DDX24: variants seen among roughly 807,000 people sequenced by gnomAD.
DDX24 encodes ATP-dependent RNA helicase DDX24.
In DDX24, 24 loss-of-function variants were observed where a neutral mutation model predicts 68.9. The observed-to-expected ratio is 0.35, with a 90% CI of 0.25 to 0.49. DDX24 has a LOEUF of 0.49. Among genes scored for constraint, DDX24 ranks in the 20% least tolerant of loss-of-function variants. The probability of loss-of-function intolerance (pLI) is 0.99; values close to 1 mark genes in which losing one functional copy is unlikely to be tolerated. For missense variants in DDX24, 989 were observed against 1,039.0 expected (o/e 0.95, Z 0.66); for synonymous variants, 395 against 385.2 (o/e 1.03, Z -0.30).
intron 2 of DDX24, among the ~76,000 whole-genome samples, chr14:94,075,393 T>A (rs1567062246): frequency 6.6e-6 from 1 of 152,162 alleles, no homozygotes; most frequent in Non-Finnish European, 1.5e-5. Context: ...CAAAGTCAAC[T>A]CAGTGGAGAA....
chr14:94,063,356 GA>G (rs1885635562), intron 2 of DDX24, among the ~76,000 whole-genome samples: 1 of 152,128 alleles, frequency 6.6e-6, no homozygotes, highest in Non-Finnish European at 1.5e-5. Flanking sequence ...AGACTTATCA[GA>G]AACAATGAAA....
At position 94,060,542 on chromosome 14, in the gene DDX24, T is replaced by C. The variant is rs1007823636; in HGVS notation, c.1469A>G (p.Glu490Gly). The change falls in exon 5 of 9, where the codon GAG becomes GGG. Residue 490 changes from glutamate to glycine, a missense_variant. This residue lies in a region of DDX24 where 691 missense variants were observed against 760.0 expected (regional missense o/e 0.91). Transcript: ENST00000621632. Reference sequence around the variant, plus strand: ...GTTGTATTGGGAGTCATTGAGCATCTCTAGCAGCTGTGAGAGCTCAGCAAA... The same window carrying C: ...GTTGTATTGGGAGTCATTGAGCATCCCTAGCAGCTGTGAGAGCTCAGCAAA... ...GHFAELSQLL[E>G]MLNDSQYNPK... 1.2e-6 allele frequency: 2 copies of C among 1,614,048 alleles called. No individual in the cohort carries two copies. Among genetic ancestry groups the C allele is most frequent in the African/African-American group, 2.7e-5 (2 of 74,900 alleles).
chr14:94,070,190 C>A (rs1885801088), intron 2 of DDX24, among the ~76,000 whole-genome samples: 1 of 151,782 alleles, frequency 6.6e-6, no homozygotes, highest in Admixed American at 6.6e-5. Context: ...TTAACGTACA[C>A]AAATCAGTAG....
In DDX24 at chr14:94,069,784, A is replaced by G. The variant is rs115382730; in HGVS notation, c.719-7163T>C. Reference sequence around the variant, plus strand: ...ATCACATGATCTCAATAGATGGAGAAAAAGCATTAGACAAAATCCAGCATC... The same window carrying G: ...ATCACATGATCTCAATAGATGGAGAGAAAGCATTAGACAAAATCCAGCATC... On this transcript the variant is annotated intron_variant, in intron 2 of 8. Coordinates refer to ENST00000621632, the MANE Select transcript of DDX24 (RefSeq NM_020414.4). Among the ~76,000 whole-genome samples the G allele has an allele frequency of 7.3e-3, 1,108 of 152,360 alleles. 10 individuals are homozygous for G. Among genetic ancestry groups the G allele is most frequent in the African/African-American group, 0.025 (1,055 of 41,584 alleles).
In DDX24 at chr14:94,062,307, T is replaced by C. The variant is rs766488879; in HGVS notation, c.1033A>G (p.Ile345Val). Residue 345 changes from isoleucine to valine, a missense_variant, in exon 3 of 9, where the codon ATC becomes GTC. Ile to Val is a conservative substitution (Grantham distance 29, BLOSUM62 3). Around this residue, in one of 3 missense-constraint regions of DDX24, gnomAD observed 691 missense variants for 760.0 expected, o/e 0.91. Coordinates refer to ENST00000621632, the MANE Select transcript of DDX24 (RefSeq NM_020414.4). ...TGTTTGGGAACAGGTTTCTCCCTGA[T>C]CAGGGAAGAAGGCCCTTCACCAGCA... is the stretch of plus-strand genomic sequence containing the variant. ...DDAGEGPSSL[I>V]REKPVPKQNE... The C allele has an allele frequency of 3.3e-5, 54 of 1,614,088 alleles. 1 individual carries two copies. The South Asian group carries it at 5.1e-4, about 15-fold the overall frequency.
chr14:94,061,131 C>G, intron 3 of DDX24, 65 bp from the exon 4 acceptor site: 1 of 1,568,322 alleles, frequency 6.4e-7, no homozygotes. Context: ...ACATGGCTGA[C>G]ACAGGCACCC....
chr14:94,066,981 C>G (rs1156337959), intron 2 of DDX24, among the ~76,000 whole-genome samples: 3 of 152,034 alleles, frequency 2.0e-5, no homozygotes, highest in Admixed American at 6.5e-5. Context: ...GGATCCAAAC[C>G]AAGAAGAAAT....
rs1015955922 is a variant in DDX24 at position 94,076,449 on chromosome 14, G to A, written c.718+2576C>T. On this transcript the variant is annotated intron_variant, in intron 2 of 8. Coordinates refer to ENST00000621632, the MANE Select transcript of DDX24 (RefSeq NM_020414.4). Reference sequence around the variant, plus strand: ...TGTAATCCCAGCACTTTGGGAGGCCGAAGCAGGCAGGTCATGAGGGCAGGA... The same window carrying A: ...TGTAATCCCAGCACTTTGGGAGGCCAAAGCAGGCAGGTCATGAGGGCAGGA... 7.9e-5 allele frequency among the ~76,000 whole-genome samples: 12 copies of A among 152,204 alleles called. No homozygotes were observed. In the East Asian group the frequency reaches 1.4e-3, roughly 17 times the overall value.
At position 94,057,912 on chromosome 14, in the gene DDX24, G is replaced by A. The variant is rs547947436; in HGVS notation, c.1914-15C>T. The A allele has an allele frequency of 5.6e-6, 9 of 1,610,916 alleles. No homozygotes were observed. The highest frequency in any genetic ancestry group is 5.4e-5 in the African/African-American group (4 of 74,734). On this transcript the variant is annotated splice_polypyrimidine_tract_variant and intron_variant, in intron 5 of 8. Coordinates refer to ENST00000621632, the MANE Select transcript of DDX24 (RefSeq NM_020414.4). ...AGAGAACACAGCTGGGGTAGAGAGA[G>A]AAAGCTTATTAATAATAACTAACAG...
chr14:94,074,529 A>G (rs762909672), intron 2 of DDX24, among the ~76,000 whole-genome samples: 3 of 152,232 alleles, frequency 2.0e-5, no homozygotes, highest in Non-Finnish European at 4.4e-5. Context: ...CAACCCTGAT[A>G]AAACCTCTCA....
At position 94,050,320 on chromosome 14, in the gene DDX24, C is replaced by G. The variant is rs1427247569; in HGVS notation, c.*871G>C. 2 of 152,262 alleles carry G rather than the reference C, an allele frequency of 1.3e-5. No homozygotes were observed. The highest frequency in any genetic ancestry group is 4.8e-5 in the African/African-American group (2 of 41,450). 9.4% of individuals were successfully genotyped at this position (152,262 alleles called of 1,614,324 possible). On this transcript the variant is annotated 3_prime_UTR_variant, in exon 9 of 9. Transcript: ENST00000621632. Reference sequence around the variant, plus strand: ...CTATGAAGAGGGTAAGCACGGGACACTAAGGGAGCCCCAGGAGAAGCACTG... The same window carrying G: ...CTATGAAGAGGGTAAGCACGGGACAGTAAGGGAGCCCCAGGAGAAGCACTG...
chr14:94,077,795 T>C (rs1885974101), intron 2 of DDX24, among the ~76,000 whole-genome samples: 1 of 151,984 alleles, frequency 6.6e-6, no homozygotes, highest in African/African-American at 2.4e-5. Flanking sequence ...ACGTGTCTAC[T>C]GAACACTTAA....
intron 2 of DDX24, among the ~76,000 whole-genome samples, chr14:94,062,823 G>C (rs1885625444): frequency 6.6e-6 from 1 of 152,162 alleles, no homozygotes; most frequent in Admixed American, 6.5e-5. Context: ...AAGTATGGCA[G>C]GCTAGCACTG....
Position 94,060,517 on chromosome 14 carries a change from G to A in DDX24, c.1494C>T (p.Asn498=), listed in dbSNP as rs1177337770. The A allele has an allele frequency of 6.2e-7, 1 of 1,614,020 alleles. No homozygotes were observed. Among genetic ancestry groups the A allele is most frequent in the Non-Finnish European group, 8.5e-7 (1 of 1,180,046 alleles). The change falls in exon 5 of 9, where the codon AAC becomes AAT. Residue 498 remains asparagine, a synonymous_variant. Coordinates refer to ENST00000621632, the MANE Select transcript of DDX24 (RefSeq NM_020414.4). ...LLEMLNDSQY[N]PKRQTLVFSA... ...AAAAAACAAGCGTTTGTCTCTTTGGGTTGTATTGGGAGTCATTGAGCATCT... is the reference window on the plus strand; with the variant it reads ...AAAAAACAAGCGTTTGTCTCTTTGGATTGTATTGGGAGTCATTGAGCATCT...
rs1382452782 is a variant in DDX24, at chr14:94,066,506, C to T, written c.719-3885G>A. Among the ~76,000 whole-genome samples the T allele has an allele frequency of 7.2e-5, 11 of 152,324 alleles. No individual in the cohort carries two copies. In the East Asian group the frequency reaches 2.1e-3, roughly 29 times the overall value. On this transcript the variant is annotated intron_variant, in intron 2 of 8. Transcript: ENST00000621632. ...TATAGCTGATGCTTTCTGGAAAGTG[C>T]CACCTCCTGGCAGGAGGCCAACTAA...
At chr14:94,078,938 C>T in intron 2 of DDX24, 87 bp downstream of exon 2, 1 of 1,390,416 alleles carries the variant, frequency 7.2e-7, no homozygotes, top group Non-Finnish European at 9.8e-7. Flanking sequence ...TGTTCTTCAA[C>T]ATTCTTCTCT....
intron 2 of DDX24, among the ~76,000 whole-genome samples, chr14:94,064,162 G>A (rs375723398): frequency 1.1e-4 from 16 of 152,084 alleles, no homozygotes; most frequent in African/African-American, 3.1e-4. Flanking sequence ...CTAAAAAGAC[G>A]TTAAGAATTA....
intron 6 of DDX24, 61 bp from the exon 7 acceptor site, chr14:94,055,245 C>T: frequency 6.5e-7 from 1 of 1,547,558 alleles, no homozygotes; most frequent in Non-Finnish European, 8.8e-7. Flanking sequence ...GTCCTCTCCT[C>T]AGGGCCACAT....
chr14:94,054,726 C>G (rs530732237), intron 7 of DDX24, among the ~76,000 whole-genome samples: 9 of 152,358 alleles, frequency 5.9e-5, no homozygotes, highest in African/African-American at 1.9e-4. Context: ...GCCATGACCA[C>G]TGCACTGTCT....
Sources: allele counts gnomAD v4.1 joint callset (sites outside exome capture counted in the v4.1 genomes callset), GRCh38; gene constraint gnomAD v4.1.1; regional missense constraint gnomAD v4.1.1; transcripts MANE v1.5; gene names NCBI Gene and HGNC (gene_info 2026-07-23, HGNC 2026-07-21).